The following SBF2 variants were observed in gnomAD, a reference collection of about 807,000 sequenced individuals.
SBF2 encodes the protein myotubularin-related protein 13.
SBF2 carries 112 observed loss-of-function variants against 225.2 expected under a neutral mutation model. The ratio of observed to expected loss-of-function variants is 0.50; its 90% CI spans 0.43 to 0.58. The LOEUF (loss-of-function observed/expected upper bound fraction) is 0.58. Ranked by LOEUF, SBF2 falls within the 20% of genes least tolerant of loss-of-function variation. SBF2 has a pLI of 0.00. For synonymous variants in SBF2, 763 were observed against 773.3 expected, an observed-to-expected ratio of 0.99 and a Z score of 0.22; for missense variants, 1,996 against 2,206.2, an observed-to-expected ratio of 0.90 and a Z score of 1.91.
At chr11:10,205,219 G>T (rs1957713051) in intron 1 of SBF2, among the ~76,000 whole-genome samples, 1 of 151,928 alleles carries the variant, frequency 6.6e-6, no homozygotes, top group Non-Finnish European at 1.5e-5. Flanking sequence ...AGTGGTAATG[G>T]TCGCACAACT....
At chr11:10,019,557 T>G (rs550639197) in intron 6 of SBF2, among the ~76,000 whole-genome samples, 39 of 151,936 alleles carry the variant, frequency 2.6e-4, no homozygotes, top group Non-Finnish European at 4.7e-4. Flanking sequence ...TTCTTTAAAT[T>G]TTTTTTTAAC....
rs543233571 is a variant in SBF2, at chr11:10,172,657, C to A, written c.141+21245G>T. Among the ~76,000 whole-genome samples, 59 of 152,030 alleles carry A rather than the reference C, an allele frequency of 3.9e-4. 1 individual carries two copies. The highest frequency in any genetic ancestry group is 1.2e-3 in the African/African-American group (51 of 41,488). ...TGTGAGCCACCACGCCTGGCCAATA[C>A]AATTTTAAATTTCTTTTCTTTTTTT... On this transcript the variant is annotated intron_variant, in intron 2 of 39. Transcript: ENST00000256190.
rs538430148 is a variant in SBF2 at position 9,890,204 on chromosome 11, C to CTATT, written c.1929+5735_1929+5738dup. On this transcript the variant is annotated intron_variant, in intron 17 of 39. Transcript: ENST00000256190. ...ACAGGCATGAACCATCACTCCTGGC[C>CTATT]TATTTATTTATTTATTTATTTACTT... is the stretch of plus-strand genomic sequence containing the variant. Among the ~76,000 whole-genome samples the CTATT allele has an allele frequency of 3.8e-3, 579 of 151,988 alleles. 2 individuals are homozygous for CTATT. The highest frequency in any genetic ancestry group is 5.7e-3 in the Non-Finnish European group (390 of 67,910).
chr11:10,123,242 A>G (rs1313305626), intron 2 of SBF2, among the ~76,000 whole-genome samples: 1 of 152,178 alleles, frequency 6.6e-6, no homozygotes, highest in Non-Finnish European at 1.5e-5. Flanking sequence ...AGTTCGACAA[A>G]CAGAAACAGG....
intron 2 of SBF2, among the ~76,000 whole-genome samples, chr11:10,067,596 TA>T (rs1950675878): frequency 1.3e-5 from 2 of 148,770 alleles, no homozygotes; most frequent in Admixed American, 6.6e-5. Context: ...AGTACTAGAG[TA>T]AAGAAATGGA....
chr11:9,876,900 A>G (rs1859300448), intron 17 of SBF2, among the ~76,000 whole-genome samples: 1 of 151,948 alleles, frequency 6.6e-6, no homozygotes. Context: ...CACCATCCCC[A>G]GCTAAATTTT....
At chr11:10,267,817 A>C (rs2135528931) in intron 1 of SBF2, among the ~76,000 whole-genome samples, 1 of 152,324 alleles carries the variant, frequency 6.6e-6, no homozygotes, top group Non-Finnish European at 1.5e-5. Flanking sequence ...AGAAGGGAGT[A>C]ATATGGTTTT....
chr11:9,968,372 C>A lies in SBF2; in HGVS notation c.1569G>T (p.Lys523Asn). 3 of 1,614,154 alleles carry A rather than the reference C, an allele frequency of 1.9e-6. No homozygotes were observed. The highest frequency in any genetic ancestry group is 2.5e-6 in the Non-Finnish European group (3 of 1,180,032). Reference protein sequence around the residue: ...QNAPPATRIEKKCVVPAGPPV... With the variant: ...QNAPPATRIENKCVVPAGPPV... Reference sequence around the variant, plus strand: ...GTGGACCTGCTGGCACAACACATTTCTTTTCTATTCGTGTGGCAGGAGGTG... The same window carrying A: ...GTGGACCTGCTGGCACAACACATTTATTTTCTATTCGTGTGGCAGGAGGTG... Residue 523 changes from lysine to asparagine, a missense_variant, in exon 14 of 40, where the codon AAG becomes AAT. Coordinates refer to ENST00000256190, the MANE Select transcript of SBF2 (RefSeq NM_030962.4).
chr11:10,187,673 G>A (rs1013288689), intron 2 of SBF2, among the ~76,000 whole-genome samples: 2 of 148,518 alleles, frequency 1.3e-5, no homozygotes, highest in Admixed American at 6.7e-5. Context: ...TTGCTTTTTC[G>A]TTACAAGACC....
At chr11:9,970,434 T>C (rs1264696529) in intron 13 of SBF2, among the ~76,000 whole-genome samples, 1 of 152,126 alleles carries the variant, frequency 6.6e-6, no homozygotes, top group East Asian at 1.9e-4. Context: ...CTTGATTTCC[T>C]GACCTCGTGA....
Position 9,918,502 on chromosome 11 carries a change from C to T in SBF2, c.1861-22491G>A, listed in dbSNP as rs980296454. 6.6e-5 allele frequency among the ~76,000 whole-genome samples: 10 copies of T among 152,028 alleles called. No individual in the cohort carries two copies. In the Middle Eastern group the frequency reaches 0.01, roughly 155 times the overall value. ...CTGAGTAGCTGGAACTACAGGTGCA[C>T]GCCACCATGCCTGGCTAATTTTTGT... On this transcript the variant is annotated intron_variant, in intron 16 of 39. Transcript: ENST00000256190.
chr11:10,000,118 G>A (rs1947894967), intron 8 of SBF2, among the ~76,000 whole-genome samples: 1 of 152,102 alleles, frequency 6.6e-6, no homozygotes, highest in Non-Finnish European at 1.5e-5. Flanking sequence ...CTAATTGTTG[G>A]AAACACTTTT....
chr11:10,170,483 T>A (rs1407873469), intron 2 of SBF2, among the ~76,000 whole-genome samples: 1 of 152,190 alleles, frequency 6.6e-6, no homozygotes, highest in Non-Finnish European at 1.5e-5. Context: ...TCCATTGGTT[T>A]GTGTGTCTGG....
intron 2 of SBF2, among the ~76,000 whole-genome samples, chr11:10,132,146 C>A (rs1402750501): frequency 6.6e-6 from 1 of 152,048 alleles, no homozygotes; most frequent in Non-Finnish European, 1.5e-5. Context: ...TGTTTTTGTA[C>A]CTTTGTCAAA....
intron 32 of SBF2, among the ~76,000 whole-genome samples, chr11:9,803,041 T>C (rs920060524): frequency 6.6e-6 from 1 of 152,238 alleles, no homozygotes; most frequent in Non-Finnish European, 1.5e-5. Flanking sequence ...AATTTTAATT[T>C]GGCACAGCCA....
chr11:9,826,370 G>C (rs999343962), intron 28 of SBF2, among the ~76,000 whole-genome samples: 2 of 152,136 alleles, frequency 1.3e-5, no homozygotes, highest in African/African-American at 4.8e-5. Flanking sequence ...CATTTCAACT[G>C]GGGATATTCA....
chr11:10,001,802 AGGTGT>A (rs1565117372), intron 7 of SBF2, among the ~76,000 whole-genome samples: 7 of 152,274 alleles, frequency 4.6e-5, no homozygotes, highest in Admixed American at 4.6e-4. Context: ...CTGGGATTAC[AGGTGT>A]GAGCCACTGC....
At chr11:9,811,098 C>G (rs1854153902) in intron 30 of SBF2, 1 of 152,168 alleles carries the variant, frequency 6.6e-6, no homozygotes, top group Admixed American at 6.5e-5. Flanking sequence ...GAATGGAAAA[C>G]CAAATACTGC....
intron 2 of SBF2, among the ~76,000 whole-genome samples, chr11:10,114,125 A>T (rs1466598011): frequency 6.6e-6 from 1 of 151,452 alleles, no homozygotes; most frequent in Non-Finnish European, 1.5e-5. Flanking sequence ...CTCAATTTTA[A>T]AAAAGGAATA....
Sources: gnomAD v4.1 joint callset for allele counts (sites outside exome capture counted in the v4.1 genomes callset) on GRCh38, gnomAD v4.1.1 for gene constraint, MANE v1.5 for transcripts, NCBI Gene and HGNC (gene_info 2026-07-23, HGNC 2026-07-21) for gene names.